The following BMP6 variants were observed in gnomAD, a reference collection of about 807,000 sequenced individuals.
BMP6 encodes bone morphogenetic protein 6, also known as VG-1-R.
In BMP6, 17 loss-of-function variants were observed where a neutral mutation model predicts 54.1. The ratio of observed to expected loss-of-function variants is 0.31; its 90% CI spans 0.22 to 0.47. BMP6 has a LOEUF of 0.47. BMP6 is among the 20% of genes least tolerant of loss of function. The pLI is 1.00. For missense variants in BMP6, 720 were observed against 690.4 expected, an observed-to-expected ratio of 1.04 and a Z score of -0.48; for synonymous variants, 328 against 291.2, an observed-to-expected ratio of 1.13 and a Z score of -1.28.
chr6:7,854,775 G>GTA (rs1483688281), intron 2 of BMP6, among the ~76,000 whole-genome samples: 1 of 152,222 alleles, frequency 6.6e-6, no homozygotes, highest in Non-Finnish European at 1.5e-5. Flanking sequence ...GGGTGACAGA[G>GTA]CAAGACTCTC....
intron 1 of BMP6, among the ~76,000 whole-genome samples, chr6:7,737,805 C>T (rs1323123049): frequency 2.0e-5 from 3 of 152,154 alleles, no homozygotes; most frequent in East Asian, 3.9e-4. Context: ...ACAGAAATGA[C>T]TCATTTTCAC....
intron 1 of BMP6, among the ~76,000 whole-genome samples, chr6:7,776,687 A>G (rs562615003): frequency 2.0e-5 from 3 of 152,316 alleles, no homozygotes; most frequent in Admixed American, 6.5e-5. Context: ...GTCTTGCTCT[A>G]TCACCTAGGC....
intron 1 of BMP6, among the ~76,000 whole-genome samples, chr6:7,800,244 A>G (rs1304836482): frequency 6.6e-6 from 1 of 152,146 alleles, no homozygotes; most frequent in Non-Finnish European, 1.5e-5. Flanking sequence ...GATAATCCTT[A>G]TCTTTGCTAC....
At chr6:7,843,883 T>A (rs1759017224) in intron 1 of BMP6, among the ~76,000 whole-genome samples, 1 of 152,208 alleles carries the variant, frequency 6.6e-6, no homozygotes, top group Non-Finnish European at 1.5e-5. Context: ...TAAAAACGTA[T>A]TTTTTCTAGC....
chr6:7,750,512 G>C lies in BMP6; in HGVS notation c.664+22893G>C, dbSNP rs139110241. Among the ~76,000 whole-genome samples the C allele has an allele frequency of 3.4e-3, 518 of 152,250 alleles. 5 individuals carry two copies. Among genetic ancestry groups the C allele is most frequent in the Non-Finnish European group, 6.0e-3 (408 of 68,012 alleles). Reference sequence around the variant, plus strand: ...GCTTAACATTCTCACAGTGACTTTTGCAATAACGATAACTTATTTTTATTG... The same window carrying C: ...GCTTAACATTCTCACAGTGACTTTTCCAATAACGATAACTTATTTTTATTG... On this transcript the variant is annotated intron_variant, in intron 1 of 6. Coordinates refer to ENST00000283147, the MANE Select transcript of BMP6 (RefSeq NM_001718.6).
chr6:7,727,324 G>C lies in BMP6; in HGVS notation c.369G>C (p.Glu123Asp). 6.2e-7 allele frequency: 1 copy of C among 1,609,200 alleles called. No individual in the cohort carries two copies. The highest frequency in any genetic ancestry group is 8.5e-7 in the Non-Finnish European group (1 of 1,178,522). Residue 123 changes from glutamate to aspartate, a missense_variant, in exon 1 of 7, where the codon GAG becomes GAC. Physicochemically the swap from Glu to Asp is conservative, Grantham distance 45. This residue lies in a region of BMP6 where 650 missense variants were observed against 556.3 expected (regional missense o/e 1.17). Coordinates refer to ENST00000283147, the MANE Select transcript of BMP6 (RefSeq NM_001718.6). The part of the protein sequence containing the change: ...QQQQQQLPRG[E>D]PPPGRLKSAP... Reference sequence around the variant, plus strand: ...AGCAGCAGCAGCTGCCTCGCGGAGAGCCCCCTCCCGGGCGACTGAAGTCCG... The same window carrying C: ...AGCAGCAGCAGCTGCCTCGCGGAGACCCCCCTCCCGGGCGACTGAAGTCCG...
intron 1 of BMP6, among the ~76,000 whole-genome samples, chr6:7,822,131 C>G (rs866257069): frequency 6.6e-6 from 1 of 152,134 alleles, no homozygotes; most frequent in Non-Finnish European, 1.5e-5. Flanking sequence ...AGCAATTCTC[C>G]TGCCTCAGCC....
At chr6:7,856,895 C>T (rs1376758658) in intron 2 of BMP6, among the ~76,000 whole-genome samples, 1 of 152,132 alleles carries the variant, frequency 6.6e-6, no homozygotes, top group East Asian at 1.9e-4. Flanking sequence ...CGCGCCCGGC[C>T]TCAAGAGCAT....
intron 1 of BMP6, among the ~76,000 whole-genome samples, chr6:7,772,594 C>T (rs767357939): frequency 6.6e-5 from 10 of 152,130 alleles, no homozygotes; most frequent in Non-Finnish European, 1.3e-4. Flanking sequence ...CCATTGCATC[C>T]TCTCCCTCAG....
At chr6:7,873,164 C>T (rs550557907) in intron 4 of BMP6, among the ~76,000 whole-genome samples, 1 of 152,226 alleles carries the variant, frequency 6.6e-6, no homozygotes, top group East Asian at 1.9e-4. Context: ...GGGCAAGGTC[C>T]CCAAGGAGAC....
At chr6:7,792,159 G>T (rs1431758938) in intron 1 of BMP6, among the ~76,000 whole-genome samples, 1 of 152,210 alleles carries the variant, frequency 6.6e-6, no homozygotes, top group Non-Finnish European at 1.5e-5. Context: ...ATGCCAAAGT[G>T]TCGAGGTGGA....
intron 1 of BMP6, among the ~76,000 whole-genome samples, chr6:7,744,335 G>A (rs897145660): frequency 3.9e-5 from 6 of 152,122 alleles, no homozygotes; most frequent in African/African-American, 1.4e-4. Context: ...AATTAGCCTG[G>A]TGTGGTGGCG....
rs1374619767 is a variant in BMP6 at position 7,862,202 on chromosome 6, A to G, written c.1007-99A>G. ...TTCTTCTTCACACTCATTCTTAAGGATTAGCACTTAGGAAACTAGGAAGTA... is the reference window on the plus strand; with the variant it reads ...TTCTTCTTCACACTCATTCTTAAGGGTTAGCACTTAGGAAACTAGGAAGTA... On this transcript the variant is annotated intron_variant, in intron 3 of 6. Coordinates refer to ENST00000283147, the MANE Select transcript of BMP6 (RefSeq NM_001718.6). 11 of 1,371,630 alleles carry G rather than the reference A, an allele frequency of 8.0e-6. No individual in the cohort carries two copies. The East Asian group carries it at 9.2e-5, about 11-fold the overall frequency. The allele number at this position is 1,371,630 out of a possible 1,614,324, so 85.0% of individuals were successfully genotyped here. A position where few individuals can be genotyped will look rare whatever the true frequency, so the allele number is the denominator to read the frequency against.
chr6:7,828,978 G>A (rs1000537434), intron 1 of BMP6, among the ~76,000 whole-genome samples: 12 of 152,302 alleles, frequency 7.9e-5, no homozygotes, highest in African/African-American at 2.2e-4. Flanking sequence ...GCTGTGCCGC[G>A]AATAATAGGT....
intron 4 of BMP6, among the ~76,000 whole-genome samples, chr6:7,872,814 C>CTTT (rs55666956): frequency 0.018 from 2,363 of 133,804 alleles, 38 homozygotes; most frequent in Middle Eastern, 0.034. Context: ...CTTTTTTTTT[C>CTTT]TTTTTTTTTT....
intron 1 of BMP6, among the ~76,000 whole-genome samples, chr6:7,784,580 T>A (rs543841416): frequency 8.9e-4 from 135 of 152,356 alleles, no homozygotes; most frequent in Middle Eastern, 6.8e-3. Flanking sequence ...CAGATATTTT[T>A]TCCAGAGTTG....
chr6:7,838,415 G>T (rs1405413877), intron 1 of BMP6, among the ~76,000 whole-genome samples: 1 of 152,168 alleles, frequency 6.6e-6, no homozygotes, highest in Non-Finnish European at 1.5e-5. Flanking sequence ...CATAGGAAAT[G>T]AGAACATCGC....
intron 1 of BMP6, among the ~76,000 whole-genome samples, chr6:7,827,482 T>G (rs1208810082): frequency 6.6e-6 from 1 of 152,222 alleles, no homozygotes; most frequent in Non-Finnish European, 1.5e-5. Context: ...ACTTTATTGT[T>G]CCTTGTGGCT....
intron 1 of BMP6, among the ~76,000 whole-genome samples, chr6:7,781,226 C>T (rs553056656): frequency 2.6e-5 from 4 of 152,250 alleles, no homozygotes; most frequent in East Asian, 3.9e-4. Context: ...TAAGTAGTAT[C>T]GTTACTTTTA....
Sources: allele counts gnomAD v4.1 joint callset (sites outside exome capture counted in the v4.1 genomes callset), GRCh38; gene constraint gnomAD v4.1.1; regional missense constraint gnomAD v4.1.1; transcripts MANE v1.5; gene names NCBI Gene and HGNC (gene_info 2026-07-23, HGNC 2026-07-21).